CPHXL: variants seen among roughly 807,000 people sequenced by gnomAD.
The protein encoded by CPHXL is cytoplasmic polyadenylated homeobox-like protein.
intron 2 of CPHXL, among the ~76,000 whole-genome samples, chr16:75,716,296 C>T (rs187318735): frequency 6.6e-6 from 1 of 152,152 alleles, no homozygotes; most frequent in African/African-American, 2.4e-5. Context: ...TCAGATCCCA[C>T]AGGTCGAGGG....
chr16:75,724,159 AC>A (rs1334865946), intron 1 of CPHXL, among the ~76,000 whole-genome samples: 6 of 152,338 alleles, frequency 3.9e-5, no homozygotes, highest in Middle Eastern at 3.4e-3. Flanking sequence ...TAGACCTAAA[AC>A]CATAAAAACC....
rs867083600 is a variant in CPHXL, at chr16:75,715,036, T to C, written c.406A>G (p.Arg136Gly). 1.2e-4 allele frequency: 46 copies of C among 398,676 alleles called. No individual in the cohort carries two copies. Among genetic ancestry groups the C allele is most frequent in the Middle Eastern group, 1.3e-3 (2 of 1,596 alleles). The allele number at this position is 398,676 out of a possible 1,614,324, so 24.7% of individuals were successfully genotyped here. The change falls in exon 3 of 3, where the codon AGA (arginine) becomes GGA (glycine). Residue 136 changes from arginine to glycine, a missense_variant. Physicochemically the swap from Arg to Gly is moderately radical, Grantham distance 125 (BLOSUM62 -2). Transcript: ENST00000640559. ...LSGAQRALMR[R>G]AGCSHLEKQW... is the part of the protein sequence containing the mutation. The stretch of plus-strand genomic sequence containing the variant: ...TTCTCCAGATGGGAGCAACCAGCTC[T>C]TCTCATCAGAGCCCTCTGGGCACCA...
At chr16:75,717,627 C>T (rs1309407773) in intron 2 of CPHXL, among the ~76,000 whole-genome samples, 1 of 152,158 alleles carries the variant, frequency 6.6e-6, no homozygotes, top group East Asian at 1.9e-4. Context: ...CACCCCCACA[C>T]CTGCAACCTC....
chr16:75,724,602 G>A (rs1007755937), intron 1 of CPHXL, among the ~76,000 whole-genome samples: 16 of 152,294 alleles, frequency 1.1e-4, no homozygotes, highest in African/African-American at 3.4e-4. Context: ...TTAGAATGGC[G>A]ATCATTCCAA....
chr16:75,723,101 C>A (rs1463953162), intron 1 of CPHXL, among the ~76,000 whole-genome samples: 3 of 152,134 alleles, frequency 2.0e-5, no homozygotes, highest in African/African-American at 4.8e-5. Flanking sequence ...GGATGTATCT[C>A]AAAATAATAA....
chr16:75,725,492 G>A (rs1268634336), intron 1 of CPHXL, among the ~76,000 whole-genome samples: 8 of 146,130 alleles, frequency 5.5e-5, no homozygotes, highest in Non-Finnish European at 1.2e-4. Flanking sequence ...TCGCTCTGTC[G>A]CCCAGGCTGG....
chr16:75,715,957 C>A (rs1474161783), intron 2 of CPHXL, among the ~76,000 whole-genome samples: 1 of 152,128 alleles, frequency 6.6e-6, no homozygotes, highest in East Asian at 1.9e-4. Flanking sequence ...CTCAGCCTCC[C>A]AAAGTGCTGG....
intron 1 of CPHXL, among the ~76,000 whole-genome samples, chr16:75,721,859 G>C (rs1254441224): frequency 3.3e-5 from 5 of 152,254 alleles, no homozygotes; most frequent in African/African-American, 1.2e-4. Flanking sequence ...TGGAAGTAAA[G>C]CACTCCTCAG....
At chr16:75,720,273 GAGA>G (rs1959456612) in intron 1 of CPHXL, among the ~76,000 whole-genome samples, 1 of 152,180 alleles carries the variant, frequency 6.6e-6, no homozygotes, top group Non-Finnish European at 1.5e-5. Flanking sequence ...GACGAGTTGA[GAGA>G]AGAAGGCTTC....
rs35659823 is a variant in CPHXL at position 75,725,753 on chromosome 16, C to CTTTTTTTTTTTT, written c.25+653_25+664dup. 8.8e-4 allele frequency among the ~76,000 whole-genome samples: 38 copies of CTTTTTTTTTTTT among 43,316 alleles called. 8 individuals carry two copies. In the East Asian group the frequency reaches 0.022, roughly 25 times the overall value. The allele number at this position is 43,316 out of a possible 152,430, so 28.4% of individuals were successfully genotyped here. A position where few individuals can be genotyped will look rare whatever the true frequency, so the allele number is the denominator to read the frequency against. On this transcript the variant is annotated intron_variant, in intron 1 of 2. Transcript: ENST00000640559. ...AGGAGTGAGCCACCGTGCCCGGCGT[C>CTTTTTTTTTTTT]TTTTTTTTTTTTTTTTTTTTTTTTT...
chr16:75,717,057 A>C (rs1017833550), intron 2 of CPHXL, among the ~76,000 whole-genome samples: 18 of 152,218 alleles, frequency 1.2e-4, no homozygotes, highest in South Asian at 8.3e-4. Flanking sequence ...TCAAACGTCC[A>C]AGTAACCTTT....
Position 75,715,013 on chromosome 16 carries a change from C to T in CPHXL, c.429G>A (p.Glu143=), listed in dbSNP as rs1959370466. 7.5e-6 allele frequency: 3 copies of T among 398,682 alleles called. No individual in the cohort carries two copies. Among genetic ancestry groups the T allele is most frequent in the Non-Finnish European group, 1.3e-5 (3 of 226,082 alleles). 24.7% of individuals were successfully genotyped at this position (398,682 alleles called of 1,614,324 possible). A position where few individuals can be genotyped will look rare whatever the true frequency, so the allele number is the denominator to read the frequency against. The change falls in exon 3 of 3, where the codon GAG becomes GAA. Residue 143 remains glutamate, a synonymous_variant. Transcript: ENST00000640559. ...TTTCTTGACTGGGAATCCACTGTTT[C>T]TCCAGATGGGAGCAACCAGCTCTTC... The part of the protein sequence containing the change: ...LMRRAGCSHL[E]KQWIPSQEMG...
chr16:75,726,215 G>C (rs557945211), intron 1 of CPHXL, among the ~76,000 whole-genome samples: 1 of 152,222 alleles, frequency 6.6e-6, no homozygotes, highest in South Asian at 2.1e-4. Context: ...ATCCTTGTAT[G>C]GGACTCACGG....
rs1470079893 is a variant in CPHXL at position 75,718,396 on chromosome 16, TTG to T, written c.86_87del (p.Thr29LysfsTer5). The T allele has an allele frequency of 1.0e-5, 4 of 398,636 alleles. No homozygotes were observed. Among genetic ancestry groups the T allele is most frequent in the African/African-American group, 6.2e-5 (3 of 48,644 alleles). 24.7% of individuals were successfully genotyped at this position (398,636 alleles called of 1,614,324 possible). On this transcript the variant is annotated frameshift_variant, in exon 2 of 3. Transcript: ENST00000640559. LOFTEE classifies it high-confidence loss of function. ...EERQTKNKRKTKHRHKFSEEL... is the reference protein window; with the variant it reads ...EERQTKNKRKXKHRHKFSEEL... ...TCTTCAGAAAATTTATGTCGGTGTTTTGTTTTTCTTTTATTCTTTGTTTGTCT... is the reference window on the plus strand; with the variant it reads ...TCTTCAGAAAATTTATGTCGGTGTTTTTTTTCTTTTATTCTTTGTTTGTCT...
At chr16:75,725,150 A>T (rs563604739) in intron 1 of CPHXL, among the ~76,000 whole-genome samples, 74 of 151,982 alleles carry the variant, frequency 4.9e-4, no homozygotes, top group Non-Finnish European at 9.0e-4. Flanking sequence ...GGGGAGGGAT[A>T]GCATTAGGAG....
chr16:75,720,197 T>C (rs558132544), intron 1 of CPHXL, among the ~76,000 whole-genome samples: 1 of 152,136 alleles, frequency 6.6e-6, no homozygotes, highest in Admixed American at 6.5e-5. Context: ...TCAGAGTGCC[T>C]CTCCTCCTCC....
rs574370322 is a variant in CPHXL, at chr16:75,714,375, C to G, written c.1067G>C (p.Ser356Thr). ...CTTTCCATTATTCTGAGGCAGTTGA[C>G]TCTGCAGCTGTGACTGAGCCGAGGA... Reference protein sequence around the residue: ...QWSSAQSQLQSQLPQNNGKPL... With the variant: ...QWSSAQSQLQTQLPQNNGKPL... Residue 356 changes from serine to threonine, a missense_variant, in exon 3 of 3, where the codon AGT becomes ACT. Coordinates refer to ENST00000640559, the MANE Select transcript of CPHXL (RefSeq NM_001355613.1). 2.5e-6 allele frequency: 1 copy of G among 398,626 alleles called. No individual in the cohort carries two copies. Among genetic ancestry groups the G allele is most frequent in the Admixed American group, 4.4e-5 (1 of 22,738 alleles). 24.7% of individuals were successfully genotyped at this position (398,626 alleles called of 1,614,324 possible).
chr16:75,721,396 G>C (rs1219146237), intron 1 of CPHXL, among the ~76,000 whole-genome samples: 10 of 152,200 alleles, frequency 6.6e-5, no homozygotes, highest in East Asian at 3.9e-4. Context: ...CAAAATAAAG[G>C]GATGGAGGAA....
intron 2 of CPHXL, 107 bp from the exon 3 acceptor site, chr16:75,715,329 A>G (rs968251176): frequency 2.5e-6 from 1 of 397,502 alleles, no homozygotes; most frequent in African/African-American, 2.1e-5. Context: ...TCTTCCAAGC[A>G]GAGTCCCTGA....
Sources: allele counts gnomAD v4.1 joint callset (sites outside exome capture counted in the v4.1 genomes callset), GRCh38; gene constraint gnomAD v4.1.1; transcripts MANE v1.5; gene names NCBI Gene and HGNC (gene_info 2026-07-23, HGNC 2026-07-21).